ANKS1B: variants seen among roughly 807,000 people sequenced by gnomAD.
The protein encoded by ANKS1B is ankyrin repeat and sterile alpha motif domain-containing protein 1B.
In ANKS1B, 36 loss-of-function variants were observed where a neutral mutation model predicts 148.3. That is an observed-to-expected ratio of 0.24 (90% confidence interval 0.19 to 0.32). ANKS1B has a LOEUF of 0.32. Among genes scored for constraint, ANKS1B ranks in the 10% least tolerant of loss-of-function variants. The pLI is 1.00. For synonymous variants in ANKS1B, 542 were observed against 560.8 expected (o/e 0.97, Z 0.47); for missense variants, 1,157 against 1,542.6 (o/e 0.75, Z 4.19).
At chr12:99,517,078 G>T (rs1319235526) in intron 9 of ANKS1B, among the ~76,000 whole-genome samples, 1 of 152,078 alleles carries the variant, frequency 6.6e-6, no homozygotes, top group East Asian at 1.9e-4. Flanking sequence ...AGTAGGGATT[G>T]CATTAAATCT....
intron 17 of ANKS1B, among the ~76,000 whole-genome samples, chr12:98,980,935 C>T (rs2099909242): frequency 2.0e-5 from 3 of 152,276 alleles, no homozygotes; most frequent in Admixed American, 2.0e-4. Context: ...TCTTCTTCCT[C>T]TCAGAGATCA....
intron 8 of ANKS1B, among the ~76,000 whole-genome samples, chr12:99,680,272 C>T (rs1028755954): frequency 3.3e-5 from 5 of 152,196 alleles, no homozygotes; most frequent in East Asian, 1.9e-4. Context: ...AAAACCCCGC[C>T]TCTACTAAAA....
At chr12:99,679,820 T>C (rs1420875085) in intron 8 of ANKS1B, among the ~76,000 whole-genome samples, 3 of 152,190 alleles carry the variant, frequency 2.0e-5, no homozygotes, top group Non-Finnish European at 4.4e-5. Context: ...ATATGGGAAA[T>C]GGCAGACAGG....
chr12:99,000,073 G>C (rs1430924357), intron 17 of ANKS1B, among the ~76,000 whole-genome samples: 1 of 151,860 alleles, frequency 6.6e-6, no homozygotes, highest in African/African-American at 2.4e-5. Context: ...GAAACGGGTG[G>C]GTAGAAGAAG....
chr12:99,598,794 A>AT (rs2097777674), intron 9 of ANKS1B, among the ~76,000 whole-genome samples: 1 of 152,126 alleles, frequency 6.6e-6, no homozygotes, highest in South Asian at 2.1e-4. Flanking sequence ...CAACTGTTGT[A>AT]TTAGTTTCCT....
chr12:99,672,737 A>G (rs1000471748), intron 8 of ANKS1B, among the ~76,000 whole-genome samples: 1 of 151,516 alleles, frequency 6.6e-6, no homozygotes, highest in Admixed American at 6.6e-5. Flanking sequence ...TTCCTTGGAT[A>G]CTCTCCCCCA....
At position 99,696,052 on chromosome 12, in the gene ANKS1B, C is replaced by T. The variant is rs185379194; in HGVS notation, c.1129-40842G>A. On this transcript the variant is annotated intron_variant, in intron 8 of 26. Transcript: ENST00000683438. ...CAAAACTCAGCAAAGCACAACATAC[C>T]CATGTAACAAACCTGCACATGTACC... Among the ~76,000 whole-genome samples, 295 of 151,934 alleles carry T rather than the reference C, an allele frequency of 1.9e-3. 1 individual carries two copies. The highest frequency in any genetic ancestry group is 2.9e-3 in the Non-Finnish European group (194 of 67,950).
At chr12:99,177,278 C>T (rs950728068) in intron 14 of ANKS1B, among the ~76,000 whole-genome samples, 1 of 152,186 alleles carries the variant, frequency 6.6e-6, no homozygotes, top group South Asian at 2.1e-4. Context: ...TTTTCATTGA[C>T]TTAAGGGTAC....
In ANKS1B at chr12:99,733,314, C is replaced by T. The variant is rs76793789; in HGVS notation, c.1128+39608G>A. Among the ~76,000 whole-genome samples, 7 of 152,270 alleles carry T rather than the reference C, an allele frequency of 4.6e-5. 1 individual carries two copies. Among genetic ancestry groups the T allele is most frequent in the African/African-American group, 1.4e-4 (6 of 41,562 alleles). On this transcript the variant is annotated intron_variant, in intron 8 of 26. Transcript: ENST00000683438. ...AGTGCCTCGTTAGGCTGGATCAAAG[C>T]GTGAAGCTTAAGGGGCAAACCTGAA... is the stretch of plus-strand genomic sequence containing the variant.
chr12:99,227,972 G>A (rs922445756), intron 14 of ANKS1B, among the ~76,000 whole-genome samples: 9 of 151,938 alleles, frequency 5.9e-5, no homozygotes, highest in African/African-American at 2.2e-4. Context: ...ATCCCTAGAA[G>A]AACCTCATTG....
At chr12:98,800,156 A>T (rs1221573279) in intron 21 of ANKS1B, among the ~76,000 whole-genome samples, 1 of 151,850 alleles carries the variant, frequency 6.6e-6, no homozygotes, top group Non-Finnish European at 1.5e-5. Flanking sequence ...GTACCACTGA[A>T]ATAAATCCAA....
rs557221473 is a variant in ANKS1B at position 98,763,122 on chromosome 12, G to T, written c.3579+9920C>A. ...TTTTTTCAATCTGGGTTCTCAGTGG[G>T]GTCTCCAGAAAGAAGCGACATTTCT... On this transcript the variant is annotated intron_variant, in intron 25 of 26. Transcript: ENST00000683438. Among the ~76,000 whole-genome samples the T allele has an allele frequency of 1.9e-4, 29 of 152,282 alleles. No individual in the cohort carries two copies. The East Asian group carries it at 4.8e-3, about 25-fold the overall frequency.
intron 15 of ANKS1B, among the ~76,000 whole-genome samples, chr12:99,098,844 T>C (rs1290262969): frequency 6.6e-6 from 1 of 151,470 alleles, no homozygotes; most frequent in African/African-American, 2.4e-5. Flanking sequence ...CAGGGTCCCA[T>C]ACTCTACAGG....
chr12:99,918,656 G>A (rs376797626), intron 1 of ANKS1B, among the ~76,000 whole-genome samples: 1 of 152,122 alleles, frequency 6.6e-6, no homozygotes, highest in Non-Finnish European at 1.5e-5. Flanking sequence ...GTATTTAGTT[G>A]TCTTGGAGCA....
chr12:98,752,877 C>G (rs1026786352), intron 25 of ANKS1B, among the ~76,000 whole-genome samples: 2 of 152,178 alleles, frequency 1.3e-5, no homozygotes, highest in Non-Finnish European at 2.9e-5. Context: ...GTCTTTTTAC[C>G]TCAAACATCT....
At chr12:99,624,968 C>A (rs2098095638) in intron 9 of ANKS1B, among the ~76,000 whole-genome samples, 2 of 152,040 alleles carry the variant, frequency 1.3e-5, no homozygotes, top group South Asian at 4.1e-4. Context: ...CAGCACTATT[C>A]ACAACACTGA....
intron 9 of ANKS1B, among the ~76,000 whole-genome samples, chr12:99,625,348 C>T (rs1053498014): frequency 6.6e-6 from 1 of 152,002 alleles, no homozygotes; most frequent in Non-Finnish European, 1.5e-5. Context: ...ACAATATATT[C>T]TTGTAGCAAA....
chr12:99,843,316 A>G (rs2086074202), intron 1 of ANKS1B, among the ~76,000 whole-genome samples: 1 of 152,008 alleles, frequency 6.6e-6, no homozygotes, highest in Admixed American at 6.6e-5. Flanking sequence ...CTCCTTGGTT[A>G]GCCTAGGTGG....
chr12:99,061,925 A>C (rs998524713), intron 16 of ANKS1B, among the ~76,000 whole-genome samples: 9 of 152,224 alleles, frequency 5.9e-5, no homozygotes, highest in African/African-American at 2.2e-4. Context: ...GCAAGGGATA[A>C]GAGGAGAAAA....
Sources: gnomAD v4.1 joint callset for allele counts (sites outside exome capture counted in the v4.1 genomes callset) on GRCh38, gnomAD v4.1.1 for gene constraint, MANE v1.5 for transcripts, NCBI Gene and HGNC (gene_info 2026-07-23, HGNC 2026-07-21) for gene names.